The following ZMYND11 variants were observed in gnomAD, a reference collection of about 807,000 sequenced individuals.
ZMYND11 encodes zinc finger MYND-type containing 11, also known as zinc finger MYND domain-containing protein 11.
A neutral mutation model predicts 84.9 loss-of-function variants in ZMYND11; 9 were observed. That is an observed-to-expected ratio of 0.11 (90% CI 0.06 to 0.18). ZMYND11 has a LOEUF of 0.18. Among genes scored for constraint, ZMYND11 ranks in the 10% least tolerant of loss-of-function variants. The pLI is 1.00. For missense variants in ZMYND11, 409 were observed against 761.0 expected (o/e 0.54, Z 5.44); for synonymous variants, 250 against 244.1 (o/e 1.02, Z -0.23).
At position 239,494 on chromosome 10, in the gene ZMYND11, G is replaced by A. The variant is rs1950528235; in HGVS notation, c.666G>A (p.Leu222=). 6.2e-7 allele frequency: 1 copy of A among 1,612,928 alleles called. No individual in the cohort carries two copies. Among genetic ancestry groups the A allele is most frequent in the Non-Finnish European group, 8.5e-7 (1 of 1,179,618 alleles). Residue 222 remains leucine, a synonymous_variant, in exon 7 of 15, where the codon TTG becomes TTA. Transcript: ENST00000381604. The part of the protein sequence containing the change: ...SYEEFKADAQ[L]LLHNTVIFYG... ...AAGAGTTCAAAGCTGATGCCCAATTGCTTCTCCACAATACCGTGATTTTCT... is the reference window on the plus strand; with the variant it reads ...AAGAGTTCAAAGCTGATGCCCAATTACTTCTCCACAATACCGTGATTTTCT...
chr10:181,617 C>CA (rs576589197), intron 2 of ZMYND11, among the ~76,000 whole-genome samples: 193 of 152,054 alleles, frequency 1.3e-3, no homozygotes, highest in African/African-American at 4.5e-3. Flanking sequence ...ACCCCTGTCT[C>CA]ACAACAAACC....
At chr10:153,677 A>T (rs1554757784) in intron 1 of ZMYND11, among the ~76,000 whole-genome samples, 2 of 152,228 alleles carry the variant, frequency 1.3e-5, no homozygotes, top group African/African-American at 4.8e-5. Flanking sequence ...ATAGTTATGC[A>T]GTGAATTGAT....
At position 253,301 on chromosome 10, in the gene ZMYND11, G is replaced by A. The variant is rs760312613; in HGVS notation, c.*831G>A. 5.2e-5 allele frequency: 8 copies of A among 152,730 alleles called. No homozygotes were observed. In the East Asian group the frequency reaches 7.7e-4, roughly 15 times the overall value. 9.5% of individuals were successfully genotyped at this position (152,730 alleles called of 1,614,324 possible). A position where few individuals can be genotyped will look rare whatever the true frequency, so the allele number is the denominator to read the frequency against. On this transcript the variant is annotated 3_prime_UTR_variant, in exon 15 of 15. Coordinates refer to ENST00000381604, the MANE Select transcript of ZMYND11 (RefSeq NM_001370100.5). ...ATGTGAAATTATAGATGAGGCATAC[G>A]AATTTGTTTAATGCTTCCCTTCCCT...
chr10:248,244 A>G (rs1041016253), intron 12 of ZMYND11, 92 bp from the exon 13 acceptor site: 2 of 1,476,536 alleles, frequency 1.4e-6, no homozygotes, highest in African/African-American at 1.4e-5. Flanking sequence ...GCTATTATGT[A>G]TATCACTGAA....
chr10:147,971 T>C (rs1554755843), intron 1 of ZMYND11: 1 of 152,280 alleles, frequency 6.6e-6, no homozygotes, highest in African/African-American at 2.4e-5. Flanking sequence ...CTTGAATGTC[T>C]TTCCCTGGGG....
intron 4 of ZMYND11, among the ~76,000 whole-genome samples, chr10:228,956 G>C (rs1429387994): frequency 6.6e-6 from 1 of 152,166 alleles, no homozygotes; most frequent in African/African-American, 2.4e-5. Flanking sequence ...GTGTGTATGT[G>C]TGTACCTGTG....
chr10:185,493 T>TAAA (rs531517790), intron 2 of ZMYND11, among the ~76,000 whole-genome samples: 71 of 80,780 alleles, frequency 8.8e-4, no homozygotes, highest in South Asian at 6.2e-3. Context: ...GGTTTTTCTT[T>TAAA]AAAAAAAAAA....
At chr10:202,652 C>T (rs760774739) in intron 2 of ZMYND11, among the ~76,000 whole-genome samples, 4 of 152,166 alleles carry the variant, frequency 2.6e-5, no homozygotes, top group Admixed American at 1.3e-4. Context: ...CATCCTTCAG[C>T]CATACTCTCT....
intron 1 of ZMYND11, among the ~76,000 whole-genome samples, chr10:171,866 G>A (rs1845405989): frequency 6.6e-6 from 1 of 152,134 alleles, no homozygotes; most frequent in African/African-American, 2.4e-5. Context: ...TGTCATATAG[G>A]AAGTCCTAGC....
At chr10:197,174 A>G (rs370098860) in intron 2 of ZMYND11, among the ~76,000 whole-genome samples, 29 of 111,096 alleles carry the variant, frequency 2.6e-4, no homozygotes, top group African/African-American at 6.6e-4. Flanking sequence ...ACGCGTGGAA[A>G]GTGGAGTGCT....
intron 3 of ZMYND11, among the ~76,000 whole-genome samples, chr10:211,618 T>C (rs528474253): frequency 6.6e-6 from 1 of 152,232 alleles, no homozygotes; most frequent in Non-Finnish European, 1.5e-5. Context: ...AACTTTGTTT[T>C]TGTCAATTTA....
chr10:249,553 G>A lies in ZMYND11; in HGVS notation c.1686+465G>A, dbSNP rs566813286. On this transcript the variant is annotated intron_variant, in intron 14 of 14. Coordinates refer to ENST00000381604, the MANE Select transcript of ZMYND11 (RefSeq NM_001370100.5). ...AATCAGTTACTTTTACTTTATAGTA[G>A]TGACATCTCATTGGTCTCTAACTAC... 3.0e-6 allele frequency: 3 copies of A among 984,940 alleles called. No homozygotes were observed. In the South Asian group the frequency reaches 1.4e-4, roughly 46 times the overall value. The allele number at this position is 984,940 out of a possible 1,614,324, so 61.0% of individuals were successfully genotyped here. A position where few individuals can be genotyped will look rare whatever the true frequency, so the allele number is the denominator to read the frequency against.
intron 1 of ZMYND11, among the ~76,000 whole-genome samples, chr10:164,083 C>T (rs1380245331): frequency 1.3e-5 from 2 of 152,098 alleles, no homozygotes; most frequent in Non-Finnish European, 2.9e-5. Flanking sequence ...CACCCTACTC[C>T]AGCTTAAAAT....
intron 3 of ZMYND11, among the ~76,000 whole-genome samples, chr10:210,614 CTT>C (rs1457090460): frequency 1.3e-5 from 2 of 152,184 alleles, no homozygotes; most frequent in Non-Finnish European, 2.9e-5. Flanking sequence ...CATTAATTCT[CTT>C]TACGTTTTTA....
At chr10:203,980 T>G (rs555642614) in intron 2 of ZMYND11, among the ~76,000 whole-genome samples, 1 of 152,206 alleles carries the variant, frequency 6.6e-6, no homozygotes, top group Non-Finnish European at 1.5e-5. Context: ...CTTGGTACAG[T>G]TATCAGTTAT....
At chr10:231,342 G>T (rs1034433499) in intron 4 of ZMYND11, among the ~76,000 whole-genome samples, 2 of 152,186 alleles carry the variant, frequency 1.3e-5, no homozygotes, top group Non-Finnish European at 2.9e-5. Context: ...CTTGGCTGAG[G>T]TGAACTCTAG....
chr10:209,720 T>G (rs1363463974), intron 2 of ZMYND11, among the ~76,000 whole-genome samples, 169 bp from the exon 3 acceptor site: 7 of 142,684 alleles, frequency 4.9e-5, no homozygotes, highest in Non-Finnish European at 9.1e-5. Flanking sequence ...TGAAGACTTT[T>G]CCTTTCTTTT....
chr10:162,397 A>C (rs1704545098), intron 1 of ZMYND11, among the ~76,000 whole-genome samples: 1 of 152,212 alleles, frequency 6.6e-6, no homozygotes. Context: ...CGCTGTCAGA[A>C]AAAGGGCAGT....
rs1953785134 is a variant in ZMYND11 at position 252,927 on chromosome 10, A to G, written c.*457A>G. 6.4e-6 allele frequency: 1 copy of G among 156,778 alleles called. No homozygotes were observed. Among genetic ancestry groups the G allele is most frequent in the Non-Finnish European group, 1.4e-5 (1 of 70,918 alleles). The allele number at this position is 156,778 out of a possible 1,614,324, so 9.7% of individuals were successfully genotyped here. On this transcript the variant is annotated 3_prime_UTR_variant, in exon 15 of 15. Coordinates refer to ENST00000381604, the MANE Select transcript of ZMYND11 (RefSeq NM_001370100.5). The surrounding 1 kb of genome is among the most constrained non-coding windows in gnomAD (Gnocchi z 4.6). Reference sequence around the variant, plus strand: ...TAACCTTGTTGAGCTGGTTTTGTTCAGCTTAATTTACTGTTCAAAGGCATT... The same window carrying G: ...TAACCTTGTTGAGCTGGTTTTGTTCGGCTTAATTTACTGTTCAAAGGCATT...
Sources: gnomAD v4.1 joint callset for allele counts (sites outside exome capture counted in the v4.1 genomes callset) on GRCh38, gnomAD v4.1.1 for gene constraint, Gnocchi (gnomAD v3.1) non-coding constraint, MANE v1.5 for transcripts, NCBI Gene and HGNC (gene_info 2026-07-23, HGNC 2026-07-21) for gene names.